NTNG1: variants seen among roughly 807,000 people sequenced by gnomAD.
The protein encoded by NTNG1 is netrin G1.
A neutral mutation model predicts 54.0 loss-of-function variants in NTNG1; 16 were observed. The ratio of observed to expected loss-of-function variants is 0.30; its 90% CI spans 0.20 to 0.45. The LOEUF (loss-of-function observed/expected upper bound fraction) is 0.45. Ranked by LOEUF, NTNG1 falls within the 20% of genes least tolerant of loss-of-function variation. The pLI, the probability that NTNG1 is intolerant of heterozygous loss-of-function variation, is 1.00. For missense variants in NTNG1, 530 were observed against 678.7 expected, an observed-to-expected ratio of 0.78 and a Z score of 2.43; for synonymous variants, 255 against 263.1, an observed-to-expected ratio of 0.97 and a Z score of 0.30.
intron 2 of NTNG1, among the ~76,000 whole-genome samples, chr1:107,317,776 G>A (rs1018932652): frequency 1.3e-5 from 2 of 152,110 alleles, no homozygotes; most frequent in Non-Finnish European, 2.9e-5. Flanking sequence ...AGTATTGTCA[G>A]GGAGCAGATT....
intron 2 of NTNG1, among the ~76,000 whole-genome samples, chr1:107,155,269 G>A (rs1172782065): frequency 1.3e-5 from 2 of 151,748 alleles, no homozygotes; most frequent in Non-Finnish European, 2.9e-5. Flanking sequence ...GTCATCTCTT[G>A]TCTCTAGGAG....
intron 7 of NTNG1, 36 bp from the exon 8 acceptor site, chr1:107,480,575 C>CCCCCCCCCCCCCCCCCCCCCA: frequency 2.0e-6 from 1 of 512,238 alleles, no homozygotes; most frequent in African/African-American, 1.9e-5. Context: ...CTCCTCCCCG[C>CCCCCCCCCCCCCCCCCCCCCA]GCCCACCCAC....
chr1:107,476,072 T>C (rs1678304587), intron 7 of NTNG1, among the ~76,000 whole-genome samples: 1 of 152,222 alleles, frequency 6.6e-6, no homozygotes, highest in African/African-American at 2.4e-5. Flanking sequence ...ATTTTGCATA[T>C]TTCATTTGTC....
chr1:107,209,003 C>A (rs776821225), intron 2 of NTNG1, among the ~76,000 whole-genome samples: 1 of 152,060 alleles, frequency 6.6e-6, no homozygotes, highest in Admixed American at 6.6e-5. Context: ...ACAAATACAG[C>A]TCAAGTTTTG....
intron 2 of NTNG1, among the ~76,000 whole-genome samples, chr1:107,173,063 G>A (rs1012138049): frequency 2.6e-5 from 4 of 152,140 alleles, no homozygotes; most frequent in Admixed American, 6.5e-5. Context: ...ACTGGTCCAC[G>A]AGAACATCAT....
At chr1:107,454,309 A>T (rs544699105) in intron 7 of NTNG1, among the ~76,000 whole-genome samples, 1 of 152,298 alleles carries the variant, frequency 6.6e-6, no homozygotes, top group South Asian at 2.1e-4. Context: ...TTTATTTCTC[A>T]GAATCAACAA....
intron 2 of NTNG1, among the ~76,000 whole-genome samples, chr1:107,181,390 G>A (rs1476467741): frequency 6.6e-6 from 1 of 152,162 alleles, no homozygotes; most frequent in Admixed American, 6.6e-5. Flanking sequence ...TGTTATTAGA[G>A]GAATTGAGTA....
intron 5 of NTNG1, among the ~76,000 whole-genome samples, chr1:107,419,155 G>C (rs12136515): frequency 0.43 from 65,240 of 150,816 alleles, 15,183 homozygotes; most frequent in Non-Finnish European, 0.52. Flanking sequence ...CCTTTTTCCT[G>C]TCTTCCTCCC....
At chr1:107,437,109 C>T (rs879194683) in intron 7 of NTNG1, among the ~76,000 whole-genome samples, 2 of 152,030 alleles carry the variant, frequency 1.3e-5, no homozygotes, top group African/African-American at 2.4e-5. Flanking sequence ...AAATCTTCAC[C>T]GCAGAATGAA....
rs1667765691 is a variant in NTNG1 at position 107,323,401 on chromosome 1, C to T, written c.247-881C>T. On this transcript the variant is annotated intron_variant, in intron 2 of 7. Transcript: ENST00000370068. ...TGTAATATAACTAGGAGATTTATTT[C>T]TAGCTTCTTGTTTGAATGTCTGTAA... 2.0e-5 allele frequency among the ~76,000 whole-genome samples: 3 copies of T among 152,172 alleles called. No individual in the cohort carries two copies. In the South Asian group the frequency reaches 6.2e-4, roughly 31 times the overall value.
chr1:107,471,922 A>G (rs1437279023), intron 7 of NTNG1, among the ~76,000 whole-genome samples: 2 of 152,218 alleles, frequency 1.3e-5, no homozygotes, highest in South Asian at 4.1e-4. Flanking sequence ...TTAACAAAGT[A>G]TACTTAGGTT....
At chr1:107,277,361 C>T (rs1463235731) in intron 2 of NTNG1, among the ~76,000 whole-genome samples, 2 of 152,086 alleles carry the variant, frequency 1.3e-5, no homozygotes, top group Admixed American at 6.6e-5. Flanking sequence ...GGCTTGAAAC[C>T]CTTGAGGCAG....
intron 3 of NTNG1, among the ~76,000 whole-genome samples, chr1:107,372,502 A>C (rs1670982256): frequency 6.6e-6 from 1 of 152,098 alleles, no homozygotes; most frequent in Non-Finnish European, 1.5e-5. Flanking sequence ...ATGAATTTTC[A>C]GTGTAGTTTC....
At chr1:107,242,549 G>A (rs1369713825) in intron 2 of NTNG1, among the ~76,000 whole-genome samples, 2 of 152,144 alleles carry the variant, frequency 1.3e-5, no homozygotes, top group Non-Finnish European at 2.9e-5. Context: ...TGTAAGATGT[G>A]TTAGGTAAAA....
chr1:107,177,483 C>T (rs2101116931), intron 2 of NTNG1, among the ~76,000 whole-genome samples: 1 of 152,096 alleles, frequency 6.6e-6, no homozygotes, highest in East Asian at 1.9e-4. Flanking sequence ...TGCAGGCACT[C>T]ACCACCATGC....
At chr1:107,391,071 A>T (rs143313854) in intron 3 of NTNG1, among the ~76,000 whole-genome samples, 1 of 152,198 alleles carries the variant, frequency 6.6e-6, no homozygotes, top group Non-Finnish European at 1.5e-5. Context: ...AATTATCCTG[A>T]TCAAAGAGGT....
At chr1:107,241,006 TC>T (rs1317829789) in intron 2 of NTNG1, among the ~76,000 whole-genome samples, 10 of 152,156 alleles carry the variant, frequency 6.6e-5, no homozygotes, top group African/African-American at 1.9e-4. Context: ...ATTACATGAT[TC>T]CCTTACTTTT....
chr1:107,416,048 T>C (rs145218580), intron 5 of NTNG1, among the ~76,000 whole-genome samples: 312 of 152,292 alleles, frequency 2.0e-3, no homozygotes, highest in African/African-American at 7.2e-3. Flanking sequence ...TAAGATGAGA[T>C]ATTAACTTAA....
rs556075240 is a variant in NTNG1, at chr1:107,444,510, C to T, written c.1390+7711C>T. 1.6e-4 allele frequency among the ~76,000 whole-genome samples: 24 copies of T among 152,254 alleles called. No homozygotes were observed. In the East Asian group the frequency reaches 2.7e-3, roughly 17 times the overall value. ...AAATGCAGACAGTGGACATACCAGA[C>T]GGCAATTCCAGGCACCCACTGGCAT... On this transcript the variant is annotated intron_variant, in intron 7 of 7. Transcript: ENST00000370068.
Sources: allele counts gnomAD v4.1 joint callset (sites outside exome capture counted in the v4.1 genomes callset), GRCh38; gene constraint gnomAD v4.1.1; transcripts MANE v1.5; gene names NCBI Gene and HGNC (gene_info 2026-07-23, HGNC 2026-07-21).